TTC29: variants seen among roughly 807,000 people sequenced by gnomAD.
TTC29 encodes the protein tetratricopeptide repeat protein 29.
TTC29 carries 49 observed loss-of-function variants against 58.1 expected under a neutral mutation model. That is an observed-to-expected ratio of 0.84 (90% confidence interval 0.67 to 1.07). TTC29 has a LOEUF of 1.07. TTC29 is among the 50% of genes least tolerant of loss of function. TTC29 has a pLI of 0.00. For missense variants in TTC29, 582 were observed against 555.6 expected (o/e 1.05, Z -0.48); for synonymous variants, 209 against 196.8 (o/e 1.06, Z -0.52).
chr4:146,818,453 T>C (rs1322955919), intron 10 of TTC29, among the ~76,000 whole-genome samples: 7 of 152,204 alleles, frequency 4.6e-5, no homozygotes, highest in Non-Finnish European at 8.8e-5. Context: ...GGAGAAGATG[T>C]GGAGAAATAG....
intron 6 of TTC29, among the ~76,000 whole-genome samples, chr4:146,875,458 T>A (rs2150223783): frequency 6.6e-6 from 1 of 152,224 alleles, no homozygotes; most frequent in African/African-American, 2.4e-5. Context: ...TCAACCAATA[T>A]CCTCTACTGC....
At chr4:146,808,022 A>G (rs545946534) in intron 10 of TTC29, among the ~76,000 whole-genome samples, 17 of 152,350 alleles carry the variant, frequency 1.1e-4, no homozygotes, top group African/African-American at 3.1e-4. Context: ...CCAGCATCAC[A>G]TTAAAAAGCT....
At chr4:146,753,587 A>G (rs1746194006) in intron 11 of TTC29, among the ~76,000 whole-genome samples, 1 of 152,242 alleles carries the variant, frequency 6.6e-6, no homozygotes, top group Admixed American at 6.5e-5. Context: ...TCATGCTGCT[A>G]TAAAGACACA....
chr4:146,846,682 A>G (rs575957207), intron 8 of TTC29, among the ~76,000 whole-genome samples: 7 of 152,270 alleles, frequency 4.6e-5, no homozygotes, highest in African/African-American at 1.4e-4. Flanking sequence ...AGAAGGTTTT[A>G]ATAAACACTA....
At chr4:146,846,753 C>T (rs549699441) in intron 8 of TTC29, among the ~76,000 whole-genome samples, 9 of 152,274 alleles carry the variant, frequency 5.9e-5, no homozygotes, top group African/African-American at 2.2e-4. Context: ...TCTGTCTCTC[C>T]GCTGGCAGCA....
chr4:146,884,812 T>G (rs1298561891), intron 6 of TTC29, among the ~76,000 whole-genome samples: 1 of 151,604 alleles, frequency 6.6e-6, no homozygotes. Context: ...CTTGCTGGAG[T>G]TTTTTGTTTG....
intron 9 of TTC29, among the ~76,000 whole-genome samples, chr4:146,826,365 T>C (rs1727798782): frequency 6.6e-6 from 1 of 152,222 alleles, no homozygotes; most frequent in African/African-American, 2.4e-5. Context: ...CATTCACTTA[T>C]GAAGCTTAGT....
intron 6 of TTC29, among the ~76,000 whole-genome samples, chr4:146,900,571 G>C (rs899361085): frequency 6.6e-6 from 1 of 152,080 alleles, no homozygotes; most frequent in African/African-American, 2.4e-5. Flanking sequence ...TAACCACAGG[G>C]CCCATAGGCA....
chr4:146,785,984 T>TACACACACAC (rs149100538), intron 11 of TTC29, among the ~76,000 whole-genome samples: 1 of 149,302 alleles, frequency 6.7e-6, no homozygotes, highest in Non-Finnish European at 1.5e-5. Flanking sequence ...TATATATGTG[T>TACACACACAC]ACACACACAC....
At chr4:146,901,440 G>A (rs920697171) in intron 6 of TTC29, among the ~76,000 whole-genome samples, 3 of 152,022 alleles carry the variant, frequency 2.0e-5, no homozygotes, top group African/African-American at 7.2e-5. Context: ...AAATTAACAC[G>A]TATTTGGAGT....
At chr4:146,891,317 T>G (rs73852735) in intron 6 of TTC29, among the ~76,000 whole-genome samples, 11,616 of 152,214 alleles carry the variant, frequency 0.076, 1,497 homozygotes, top group African/African-American at 0.26. Context: ...TAATTACTCT[T>G]GTTTGTTTGA....
At chr4:146,935,798 T>C (rs1735764958) in intron 4 of TTC29, among the ~76,000 whole-genome samples, 1 of 152,230 alleles carries the variant, frequency 6.6e-6, no homozygotes, top group Non-Finnish European at 1.5e-5. Context: ...TAAATGTTTG[T>C]TGATCAATTT....
intron 6 of TTC29, among the ~76,000 whole-genome samples, chr4:146,892,432 C>A (rs1179672638): frequency 6.6e-6 from 1 of 152,156 alleles, no homozygotes; most frequent in Admixed American, 6.5e-5. Context: ...ACGACAAAAA[C>A]CATACGATTC....
intron 11 of TTC29, among the ~76,000 whole-genome samples, chr4:146,764,620 C>G (rs1747153017): frequency 6.6e-6 from 1 of 152,012 alleles, no homozygotes; most frequent in Non-Finnish European, 1.5e-5. Flanking sequence ...AGAATTTTTC[C>G]TATTTTAAAA....
chr4:146,774,646 T>C (rs900753690), intron 11 of TTC29, among the ~76,000 whole-genome samples: 3 of 152,178 alleles, frequency 2.0e-5, no homozygotes, highest in Non-Finnish European at 4.4e-5. Flanking sequence ...TGTTGTGCGG[T>C]AGATTTTAAA....
intron 10 of TTC29, 83 bp from the exon 11 acceptor site, chr4:146,803,768 C>G (rs1750407820): frequency 9.4e-7 from 1 of 1,059,606 alleles, no homozygotes; most frequent in Non-Finnish European, 1.3e-6. Context: ...CTGGCATGTC[C>G]CACACTGACC....
At chr4:146,905,585 T>C (rs1232424100) in intron 5 of TTC29, among the ~76,000 whole-genome samples, 2 of 152,106 alleles carry the variant, frequency 1.3e-5, no homozygotes, top group Admixed American at 6.6e-5. Context: ...AATCCAAATA[T>C]GTGTCCTGTA....
chr4:146,876,325 A>G (rs1731252054), intron 6 of TTC29, among the ~76,000 whole-genome samples: 1 of 152,188 alleles, frequency 6.6e-6, no homozygotes, highest in African/African-American at 2.4e-5. Context: ...ATAGCCACTA[A>G]TTTACCATGT....
intron 11 of TTC29, among the ~76,000 whole-genome samples, chr4:146,739,541 A>G (rs1414197963): frequency 6.6e-6 from 1 of 152,160 alleles, no homozygotes; most frequent in African/African-American, 2.4e-5. Flanking sequence ...CTGTCACCCA[A>G]TTTACATCCT....
Sources: allele counts gnomAD v4.1 joint callset (sites outside exome capture counted in the v4.1 genomes callset), GRCh38; gene constraint gnomAD v4.1.1; transcripts MANE v1.5; gene names NCBI Gene and HGNC (gene_info 2026-07-23, HGNC 2026-07-21).